Variants in ELP5 observed in about 807,000 individuals in gnomAD.
ELP5 encodes elongator complex protein 5.
In ELP5, 34 loss-of-function variants were observed where a neutral mutation model predicts 33.4. That is an observed-to-expected ratio of 1.02 (90% CI 0.78 to 1.36). ELP5 has a LOEUF of 1.36. ELP5 is among the 40% of genes most tolerant of loss of function. The pLI is 0.00. For missense variants in ELP5, 373 were observed against 371.7 expected (o/e 1.00, Z -0.03); for synonymous variants, 161 against 146.4 (o/e 1.10, Z -0.72).
At chr17:7,258,440 C>T (rs1057267076) in intron 5 of ELP5, 148 bp from the exon 6 acceptor site, 16 of 700,606 alleles carry the variant, frequency 2.3e-5, no homozygotes, top group Non-Finnish European at 3.2e-5. Context: ...CAAAGCCAGA[C>T]CCTGTCTCAA....
rs1001609662 is a variant in ELP5 at position 7,259,081 on chromosome 17, C to A, written c.788+155C>A. On this transcript the variant is annotated intron_variant, in intron 7 of 7. Transcript: ENST00000396628. ...CAAGTTCTTGATCCACCCATTCCCC[C>A]TATAATGGCAGAGGACCTTTATGTC... 5 of 1,463,140 alleles carry A rather than the reference C, an allele frequency of 3.4e-6. No individual in the cohort carries two copies. In the African/African-American group the frequency reaches 5.7e-5, roughly 17 times the overall value. The allele number at this position is 1,463,140 out of a possible 1,614,324, so 90.6% of individuals were successfully genotyped here.
At chr17:7,252,202 G>A, upstream of ELP5, 2 of 414,988 alleles carry the variant, frequency 4.8e-6, no homozygotes, top group South Asian at 4.2e-5. Context: ...GCGTGGGCGG[G>A]GAGAGTGACG....
In ELP5 at chr17:7,254,697, TC is replaced by T. The variant is rs2072034067; in HGVS notation, c.305del (p.Pro102LeufsTer28). ...CCATGTGCAAGAGGACAGATCCTGT[TC>T]CTGTCACCATTGCTCTCGATTCACT... The part of the protein sequence containing the change: ...RAMCKRTDPV[P>X]VTIALDSLSW... On this transcript the variant is annotated frameshift_variant, in exon 4 of 8. Transcript: ENST00000396628. LOFTEE classifies it high-confidence loss of function. 6.2e-7 allele frequency: 1 copy of T among 1,614,140 alleles called. No individual in the cohort carries two copies. The highest frequency in any genetic ancestry group is 8.5e-7 in the Non-Finnish European group (1 of 1,180,020).
In ELP5 at chr17:7,252,831, G is replaced by C; in HGVS notation, c.107+1G>C. 1 of 1,614,178 alleles carries C rather than the reference G, an allele frequency of 6.2e-7. No homozygotes were observed. Among genetic ancestry groups the C allele is most frequent in the Non-Finnish European group, 8.5e-7 (1 of 1,180,010 alleles). On this transcript the variant is annotated splice_donor_variant, in intron 2 of 7. Coordinates refer to ENST00000396628, the MANE Select transcript of ELP5 (RefSeq NM_203414.3). LOFTEE classifies it high-confidence loss of function. ...CGCTTGTCAAGAAATCTGCACTGTG[G>C]TGAGTATCCCACAGTGTCTCCCCGG...
chr17:7,259,301 G>T, intron 7 of ELP5: 4 of 1,385,144 alleles, frequency 2.9e-6, no homozygotes, highest in Non-Finnish European at 3.7e-6. Context: ...TCTGTGCCCA[G>T]TATGTGGGCG....
At position 7,252,519 on chromosome 17, in the gene ELP5, G is replaced by A. The variant is rs1189971733; in HGVS notation, c.-32G>A. On this transcript the variant is annotated 5_prime_UTR_variant, in exon 1 of 8. Transcript: ENST00000396628. ...CACTGGGTCATGACGCCATCAGAGGGCGCCAGAGCAGGGACCGGACGCGAG... is the reference window on the plus strand; with the variant it reads ...CACTGGGTCATGACGCCATCAGAGGACGCCAGAGCAGGGACCGGACGCGAG... The A allele has an allele frequency of 1.2e-6, 2 of 1,613,794 alleles. No homozygotes were observed.
In ELP5 at chr17:7,259,825, G is replaced by A; in HGVS notation, c.*140G>A. The A allele has an allele frequency of 7.0e-7, 1 of 1,438,726 alleles. No homozygotes were observed. The highest frequency in any genetic ancestry group is 1.4e-5 in the South Asian group (1 of 71,294). The allele number at this position is 1,438,726 out of a possible 1,614,324, so 89.1% of individuals were successfully genotyped here. On this transcript the variant is annotated 3_prime_UTR_variant, in exon 8 of 8. Coordinates refer to ENST00000396628, the MANE Select transcript of ELP5 (RefSeq NM_203414.3). Reference sequence around the variant, plus strand: ...CCTTGTCTATGGAGCCCCGCCTTGTGAGCCAGGAAGCAGCGTCTCATCAGG... The same window carrying A: ...CCTTGTCTATGGAGCCCCGCCTTGTAAGCCAGGAAGCAGCGTCTCATCAGG...
At chr17:7,256,059 AAAAT>A (rs1488792769) in intron 4 of ELP5, among the ~76,000 whole-genome samples, 2 of 147,906 alleles carry the variant, frequency 1.4e-5, no homozygotes, top group Non-Finnish European at 3.0e-5. Flanking sequence ...TCATCTCAAA[AAAAT>A]AAAAACAGTC....
At chr17:7,253,602 C>T (rs547064647) in intron 3 of ELP5, among the ~76,000 whole-genome samples, 1 of 152,278 alleles carries the variant, frequency 6.6e-6, no homozygotes, top group South Asian at 2.1e-4. Context: ...TTCCTAGTCC[C>T]GGCAACTCAG....
At chr17:7,258,805 C>T (rs377355212) in intron 6 of ELP5, 21 bp from the exon 7 acceptor site, 79 of 1,614,010 alleles carry the variant, frequency 4.9e-5, no homozygotes, top group Non-Finnish European at 6.1e-5. Flanking sequence ...GGCAGAGTGG[C>T]AGCATCCTTT....
rs1014272634 is a variant in ELP5 at position 7,259,836 on chromosome 17, C to T, written c.*151C>T. On this transcript the variant is annotated 3_prime_UTR_variant, in exon 8 of 8. Coordinates refer to ENST00000396628, the MANE Select transcript of ELP5 (RefSeq NM_203414.3). ...GAGCCCCGCCTTGTGAGCCAGGAAG[C>T]AGCGTCTCATCAGGACAGAAGGTAG... The T allele has an allele frequency of 3.6e-6, 5 of 1,386,078 alleles. No individual in the cohort carries two copies. In the African/African-American group the frequency reaches 7.2e-5, roughly 20 times the overall value. 85.9% of individuals were successfully genotyped at this position (1,386,078 alleles called of 1,614,324 possible).
chr17:7,258,051 G>C (rs2072117041), intron 5 of ELP5, among the ~76,000 whole-genome samples: 1 of 149,196 alleles, frequency 6.7e-6, no homozygotes, highest in Non-Finnish European at 1.5e-5. Context: ...CTGGGCAACA[G>C]AGTGAGACTC....
intron 3 of ELP5, 41 bp from the exon 4 acceptor site, chr17:7,254,542 G>A (rs773057479): frequency 1.1e-5 from 16 of 1,459,514 alleles, no homozygotes; most frequent in Non-Finnish European, 1.5e-5. Context: ...CCTCTCGGGG[G>A]AAGGGGCAAT....
intron 5 of ELP5, among the ~76,000 whole-genome samples, chr17:7,257,834 C>A (rs1292304850): frequency 6.6e-6 from 1 of 152,122 alleles, no homozygotes; most frequent in Non-Finnish European, 1.5e-5. Flanking sequence ...CTTTGGGGGG[C>A]CGAGGTGGGC....
chr17:7,257,733 G>A (rs965684833), intron 5 of ELP5, among the ~76,000 whole-genome samples: 2 of 152,086 alleles, frequency 1.3e-5, no homozygotes, highest in African/African-American at 2.4e-5. Flanking sequence ...CACTGCACCC[G>A]GCCCAAGGAG....
chr17:7,256,808 C>T, intron 4 of ELP5, 49 bp from the exon 5 acceptor site: 1 of 1,591,958 alleles, frequency 6.3e-7, no homozygotes, highest in Non-Finnish European at 8.6e-7. Context: ...GCTCCCAGGC[C>T]ACCAACCTGA....
At chr17:7,256,384 CAT>C (rs1237122710) in intron 4 of ELP5, among the ~76,000 whole-genome samples, 3 of 152,200 alleles carry the variant, frequency 2.0e-5, no homozygotes, top group African/African-American at 7.2e-5. Context: ...TCAGTGATTT[CAT>C]ACAGTTTGAC....
At chr17:7,256,441 C>A (rs2072076550) in intron 4 of ELP5, among the ~76,000 whole-genome samples, 1 of 152,176 alleles carries the variant, frequency 6.6e-6, no homozygotes, top group Non-Finnish European at 1.5e-5. Context: ...TGTGTTAAAG[C>A]GTTTAGCATA....
At chr17:7,259,935 AAAG>A (rs1261270027) in exon 8 of ELP5, 15 of 445,398 alleles carry the variant, frequency 3.4e-5, no homozygotes, top group African/African-American at 4.0e-5. Context: ...TTTTATTAAA[AAAG>A]AAGTACTTTG....
Sources: allele counts gnomAD v4.1 joint callset (sites outside exome capture counted in the v4.1 genomes callset), GRCh38; gene constraint gnomAD v4.1.1; transcripts MANE v1.5; gene names NCBI Gene and HGNC (gene_info 2026-07-23, HGNC 2026-07-21).